SLC25A21: variants seen among roughly 807,000 people sequenced by gnomAD.
SLC25A21 encodes the protein mitochondrial 2-oxodicarboxylate carrier.
SLC25A21 carries 47 observed loss-of-function variants against 43.8 expected under a neutral mutation model. That is an observed-to-expected ratio of 1.07 (90% CI 0.85 to 1.37). The LOEUF (loss-of-function observed/expected upper bound fraction) is 1.37, where lower values mean the gene tolerates loss of function less well. SLC25A21 is among the 40% of genes most tolerant of loss of function. SLC25A21 has a pLI of 0.00. For missense variants in SLC25A21, 352 were observed against 350.2 expected (o/e 1.00, Z -0.04); for synonymous variants, 131 against 121.3 (o/e 1.08, Z -0.52).
chr14:37,039,920 C>T (rs1422434538), intron 1 of SLC25A21, among the ~76,000 whole-genome samples: 1 of 151,922 alleles, frequency 6.6e-6, no homozygotes, highest in Non-Finnish European at 1.5e-5. Flanking sequence ...GGGGGCTGGG[C>T]GCTGTGGCTC....
intron 1 of SLC25A21, among the ~76,000 whole-genome samples, chr14:37,013,161 T>C (rs898201031): frequency 2.6e-5 from 4 of 152,312 alleles, no homozygotes; most frequent in Admixed American, 2.6e-4. Flanking sequence ...GTTCTATGGG[T>C]GTGAAATAGA....
intron 1 of SLC25A21, among the ~76,000 whole-genome samples, chr14:37,121,295 C>T (rs984647927): frequency 7.2e-5 from 11 of 152,018 alleles, no homozygotes; most frequent in Admixed American, 1.3e-4. Context: ...TGACAGGGCA[C>T]GATTTTTCCC....
chr14:36,886,562 A>G (rs780688473), intron 1 of SLC25A21, among the ~76,000 whole-genome samples: 1 of 152,204 alleles, frequency 6.6e-6, no homozygotes, highest in Non-Finnish European at 1.5e-5. Context: ...TTAGGGAAAT[A>G]TATTTCAGAG....
chr14:36,728,887 T>G (rs1384641564), intron 5 of SLC25A21, among the ~76,000 whole-genome samples: 2 of 152,168 alleles, frequency 1.3e-5, no homozygotes, highest in Non-Finnish European at 2.9e-5. Context: ...TAGAACCCAT[T>G]TGGTCAATAC....
intron 7 of SLC25A21, among the ~76,000 whole-genome samples, chr14:36,705,617 A>T (rs139437012): frequency 3.4e-4 from 51 of 152,008 alleles, no homozygotes; most frequent in South Asian, 8.3e-4. Context: ...TCTCTCTCTC[A>T]CACACACACA....
At chr14:37,013,293 T>G (rs532136832) in intron 1 of SLC25A21, among the ~76,000 whole-genome samples, 1 of 152,276 alleles carries the variant, frequency 6.6e-6, no homozygotes, top group South Asian at 2.1e-4. Flanking sequence ...TAGTTGTGTC[T>G]AATCCCCAGT....
intron 2 of SLC25A21, among the ~76,000 whole-genome samples, chr14:36,862,485 C>T (rs1297554898): frequency 6.6e-6 from 1 of 152,192 alleles, no homozygotes; most frequent in Admixed American, 6.5e-5. Flanking sequence ...TGGAAACCAT[C>T]ATTCTCAGCA....
chr14:36,940,642 G>A (rs565739586), intron 1 of SLC25A21, among the ~76,000 whole-genome samples: 48 of 152,186 alleles, frequency 3.2e-4, no homozygotes, highest in Middle Eastern at 3.4e-3. Context: ...ACCATGCAAC[G>A]TATCAAAAAC....
intron 1 of SLC25A21, among the ~76,000 whole-genome samples, chr14:37,072,505 G>A (rs764060983): frequency 2.6e-5 from 4 of 152,116 alleles, no homozygotes; most frequent in African/African-American, 4.8e-5. Context: ...AATGTCTCAC[G>A]CCTGTAATCC....
intron 2 of SLC25A21, among the ~76,000 whole-genome samples, chr14:36,847,890 A>C (rs1432697853): frequency 2.0e-5 from 3 of 150,888 alleles, no homozygotes. Context: ...TGATAATTTC[A>C]GGAAAGTAAC....
At chr14:36,689,404 A>G (rs1264878110) in intron 7 of SLC25A21, among the ~76,000 whole-genome samples, 1 of 149,972 alleles carries the variant, frequency 6.7e-6, no homozygotes, top group Admixed American at 6.6e-5. Context: ...TGTGTAGATG[A>G]GCTTTCCTGG....
chr14:36,946,695 G>C (rs1362025045), intron 1 of SLC25A21, among the ~76,000 whole-genome samples: 1 of 152,072 alleles, frequency 6.6e-6, no homozygotes, highest in African/African-American at 2.4e-5. Context: ...TAAAATCTAG[G>C]TAACAGTTGG....
intron 1 of SLC25A21, among the ~76,000 whole-genome samples, chr14:36,989,045 C>T (rs544119068): frequency 4.7e-4 from 72 of 152,286 alleles, no homozygotes; most frequent in Middle Eastern, 3.4e-3. Flanking sequence ...ACAGACTTTA[C>T]CGCTTTCTTT....
intron 1 of SLC25A21, among the ~76,000 whole-genome samples, chr14:37,135,052 C>T (rs563736726): frequency 2.0e-5 from 3 of 151,934 alleles, no homozygotes; most frequent in Non-Finnish European, 2.9e-5. Context: ...CTCAGCCTCC[C>T]GAGTAGTTGA....
chr14:37,048,176 A>G (rs531765789), intron 1 of SLC25A21, among the ~76,000 whole-genome samples: 2 of 152,226 alleles, frequency 1.3e-5, no homozygotes, highest in African/African-American at 2.4e-5. Context: ...CTCCCTCAAC[A>G]TATCTGAAAG....
intron 7 of SLC25A21, among the ~76,000 whole-genome samples, chr14:36,687,280 C>A (rs1231571157): frequency 6.6e-6 from 1 of 152,126 alleles, no homozygotes; most frequent in Non-Finnish European, 1.5e-5. Flanking sequence ...CATTTCCCAG[C>A]ACAACAGTAA....
intron 3 of SLC25A21, among the ~76,000 whole-genome samples, chr14:36,743,349 G>C (rs545519824): frequency 6.6e-6 from 1 of 151,320 alleles, no homozygotes; most frequent in Non-Finnish European, 1.5e-5. Context: ...TGCTTATAAA[G>C]ATGAACACTT....
intron 1 of SLC25A21, among the ~76,000 whole-genome samples, chr14:36,971,881 G>A (rs1265040838): frequency 1.3e-5 from 2 of 152,206 alleles, no homozygotes; most frequent in East Asian, 3.9e-4. Context: ...CTGAGTCTTG[G>A]ACTATTATAG....
chr14:36,987,814 C>A (rs910990920), intron 1 of SLC25A21, among the ~76,000 whole-genome samples: 4 of 152,198 alleles, frequency 2.6e-5, no homozygotes, highest in African/African-American at 9.6e-5. Flanking sequence ...CACTGACAAA[C>A]TGCTTTCCAG....
Sources: allele counts gnomAD v4.1 joint callset (sites outside exome capture counted in the v4.1 genomes callset), GRCh38; gene constraint gnomAD v4.1.1; transcripts MANE v1.5; gene names NCBI Gene and HGNC (gene_info 2026-07-23, HGNC 2026-07-21).